The following MKS1 variants were observed in gnomAD, a reference collection of about 807,000 sequenced individuals.
MKS1 encodes MKS transition zone complex subunit 1.
MKS1 carries 70 observed loss-of-function variants against 83.7 expected under a neutral mutation model. The observed-to-expected ratio is 0.84, with a 90% CI of 0.69 to 1.02. The LOEUF (loss-of-function observed/expected upper bound fraction) is 1.02. Among genes scored for constraint, MKS1 ranks in the 50% least tolerant of loss-of-function variants. The probability of loss-of-function intolerance (pLI) is 0.00; values close to 1 mark genes in which losing one functional copy is unlikely to be tolerated. For synonymous variants in MKS1, 251 were observed against 273.4 expected, an observed-to-expected ratio of 0.92 and a Z score of 0.81; for missense variants, 681 against 726.9, an observed-to-expected ratio of 0.94 and a Z score of 0.73.
At position 58,210,652 on chromosome 17, in the gene MKS1, T is replaced by A; in HGVS notation, c.1024+7A>T. 1 of 1,611,730 alleles carries A rather than the reference T, an allele frequency of 6.2e-7. No homozygotes were observed. Among genetic ancestry groups the A allele is most frequent in the South Asian group, 1.1e-5 (1 of 91,018 alleles). On this transcript the variant is annotated splice_region_variant and intron_variant, in intron 11 of 17. Coordinates refer to ENST00000393119, the MANE Select transcript of MKS1 (RefSeq NM_017777.4). The stretch of plus-strand genomic sequence containing the variant: ...TATAAAAGGAGAGACTTAAGAATAT[T>A]ACTTACGAGCAGTTGGCAATTCTAC...
chr17:58,214,428 C>T (rs771934734), intron 5 of MKS1, 41 bp from the exon 6 acceptor site: 1 of 1,612,050 alleles, frequency 6.2e-7, no homozygotes, highest in South Asian at 1.1e-5. Flanking sequence ...TGGCACACCC[C>T]AATGGAGCAC....
At chr17:58,217,672 G>A (rs1382182680) in intron 2 of MKS1, among the ~76,000 whole-genome samples, 1 of 152,136 alleles carries the variant, frequency 6.6e-6, no homozygotes, top group African/African-American at 2.4e-5. Context: ...AATAAACTGA[G>A]TGTGAGTCTG....
chr17:58,215,640 G>A (rs989444051), intron 4 of MKS1: 1 of 196,536 alleles, frequency 5.1e-6, no homozygotes, highest in African/African-American at 2.3e-5. Context: ...GGGTATTTTT[G>A]TCATAGGCAA....
At chr17:58,218,840 G>T in intron 1 of MKS1, 111 bp from the exon 2 acceptor site, 1 of 1,029,128 alleles carries the variant, frequency 9.7e-7, no homozygotes, top group Non-Finnish European at 1.5e-6. Context: ...AGGTGTGCTG[G>T]GTGCAGACAA....
Position 58,208,107 on chromosome 17 carries a change from G to C in MKS1, c.1163C>G (p.Ser388Cys), listed in dbSNP as rs1401192823. The change falls in exon 13 of 18, where the codon TCT (serine) becomes TGT (cysteine). Residue 388 changes from serine (S) to cysteine (C), a missense_variant and splice_region_variant. By Grantham distance (112) the Ser-to-Cys change is moderately radical. Transcript: ENST00000393119. ...EAFFLHEDES[S>C]DALPEWPVLY... The stretch of plus-strand genomic sequence containing the variant: ...GGATCAACTGCTGAGCTACTCACCA[G>C]AAGATTCATCCTCATGGAGGAAGAA... 3 of 1,613,374 alleles carry C rather than the reference G, an allele frequency of 1.9e-6. No individual in the cohort carries two copies. The highest frequency in any genetic ancestry group is 2.5e-6 in the Non-Finnish European group (3 of 1,179,256).
In MKS1 at chr17:58,206,150, G is replaced by T; in HGVS notation, c.1609C>A (p.Arg537Ser). The T allele has an allele frequency of 6.2e-7, 1 of 1,613,750 alleles. No homozygotes were observed. ...CTTTCCCGGGCCTCCTGCATGCGGC[G>T]CCGGGCTCGACGGAAGGCCTCTGTA... The part of the protein sequence containing the change: ...NVLEAFRRAR[R>S]RMQEARESLP... The change falls in exon 18 of 18, where the codon CGC becomes AGC. Residue 537 changes from arginine to serine, a missense_variant. Transcript: ENST00000393119.
At chr17:58,218,843 G>T in intron 1 of MKS1, 114 bp from the exon 2 acceptor site, 1 of 998,568 alleles carries the variant, frequency 1.0e-6, no homozygotes, top group Non-Finnish European at 1.5e-6. Context: ...TGTGCTGGGT[G>T]CAGACAACGG....
At chr17:58,208,869 TA>T (rs1476794159) in intron 11 of MKS1, among the ~76,000 whole-genome samples, 1 of 152,110 alleles carries the variant, frequency 6.6e-6, no homozygotes, top group East Asian at 1.9e-4. Context: ...TGATGACTCT[TA>T]AGGAGCATGC....
In MKS1 at chr17:58,209,374, T is replaced by C. The variant is rs1160265992; in HGVS notation, c.1025-791A>G. Among the ~76,000 whole-genome samples the C allele has an allele frequency of 6.6e-6, 1 of 152,180 alleles. No homozygotes were observed. The highest frequency in any genetic ancestry group is 2.4e-5 in the African/African-American group (1 of 41,434). ...ACTAGATAGAAAAGATCCCCATCTCTCATGGAGCTGACATTCTGGGGGAAG... is the reference window on the plus strand; with the variant it reads ...ACTAGATAGAAAAGATCCCCATCTCCCATGGAGCTGACATTCTGGGGGAAG... On this transcript the variant is annotated intron_variant, in intron 11 of 17. Coordinates refer to ENST00000393119, the MANE Select transcript of MKS1 (RefSeq NM_017777.4). This position sits in a 1 kb window ranked among gnomAD's most constrained non-coding sequence, Gnocchi z 4.1.
Position 58,219,211 on chromosome 17 carries a change from C to G in MKS1, c.20G>C (p.Ser7Thr). The change falls in exon 1 of 18, where the codon AGC becomes ACC. Residue 7 changes from serine to threonine, a missense_variant. By Grantham distance (58) the Ser-to-Thr change is moderately conservative (BLOSUM62 1). Transcript: ENST00000393119. Reference protein sequence around the residue: MAETVWSTDTGEAVYRS... With the variant: MAETVWTTDTGEAVYRS... ...ATACACTGCCTCCCCGGTGTCAGTGCTCCAGACGGTCTCCGCCATGACAGC... is the reference window on the plus strand; with the variant it reads ...ATACACTGCCTCCCCGGTGTCAGTGGTCCAGACGGTCTCCGCCATGACAGC... The G allele has an allele frequency of 6.4e-7, 1 of 1,551,038 alleles. No individual in the cohort carries two copies. The highest frequency in any genetic ancestry group is 1.2e-5 in the South Asian group (1 of 84,064).
chr17:58,208,443 A>C, intron 12 of MKS1, 70 bp downstream of exon 12: 1 of 1,571,814 alleles, frequency 6.4e-7, no homozygotes, highest in Non-Finnish European at 8.7e-7. Context: ...ACTTGGCCTG[A>C]TAAAACCTCA....
At chr17:58,206,799 C>T (rs1351489699) in intron 15 of MKS1, 1 of 628,628 alleles carries the variant, frequency 1.6e-6, no homozygotes, top group East Asian at 2.8e-5. Context: ...ATCCTCCCCA[C>T]ATCTGATTAC....
At chr17:58,206,687 C>T in intron 15 of MKS1, 140 bp from the exon 16 acceptor site, 1 of 873,446 alleles carries the variant, frequency 1.1e-6, no homozygotes, top group Middle Eastern at 2.8e-4. Flanking sequence ...CACCCAGACT[C>T]TATTACCTCA....
At chr17:58,207,366 C>G in intron 14 of MKS1, 148 bp from the exon 15 acceptor site, 6 of 1,087,460 alleles carry the variant, frequency 5.5e-6, no homozygotes, top group Non-Finnish European at 7.9e-6. Flanking sequence ...CATGGTTACC[C>G]ATAGCACCTG....
chr17:58,213,143 C>G, intron 7 of MKS1, 53 bp from the exon 8 acceptor site: 3 of 1,551,298 alleles, frequency 1.9e-6, no homozygotes, highest in Middle Eastern at 1.7e-4. Context: ...GAGATGGGCC[C>G]TGGGATAGCT....
chr17:58,207,874 G>A lies in MKS1; in HGVS notation c.1273+20C>T, dbSNP rs769017468. On this transcript the variant is annotated intron_variant, in intron 14 of 17. Transcript: ENST00000393119. The stretch of plus-strand genomic sequence containing the variant: ...GGCCTAGGGCATGTGGGCCACAGAA[G>A]GGCAGAGACGAGCGGTTACCTGGAG... 2 of 1,600,264 alleles carry A rather than the reference G, an allele frequency of 1.2e-6. No homozygotes were observed. Among genetic ancestry groups the A allele is most frequent in the South Asian group, 1.1e-5 (1 of 90,736 alleles).
At chr17:58,210,525 T>C in intron 11 of MKS1, 134 bp downstream of exon 11, 1 of 924,234 alleles carries the variant, frequency 1.1e-6, no homozygotes. Context: ...CTGGGTTTGG[T>C]AAAGTGGATG....
chr17:58,215,506 A>G (rs1490002847), intron 4 of MKS1: 1 of 167,348 alleles, frequency 6.0e-6, no homozygotes, highest in Non-Finnish European at 1.3e-5. Flanking sequence ...CCTTGCAGAG[A>G]CCTACAGAGT....
intron 5 of MKS1, 134 bp downstream of exon 5, chr17:58,214,607 T>C: frequency 9.4e-7 from 1 of 1,067,560 alleles, no homozygotes; most frequent in Non-Finnish European, 1.3e-6. Context: ...ATTTTATATT[T>C]TTATATTTAT....
Sources: gnomAD v4.1 joint callset for allele counts (sites outside exome capture counted in the v4.1 genomes callset) on GRCh38, gnomAD v4.1.1 for gene constraint, Gnocchi (gnomAD v3.1) non-coding constraint, MANE v1.5 for transcripts, NCBI Gene and HGNC (gene_info 2026-07-23, HGNC 2026-07-21) for gene names.